Variants in CSF2RA observed in about 807,000 individuals in gnomAD.
CSF2RA encodes granulocyte-macrophage colony-stimulating factor receptor subunit alpha.
Under a neutral mutation model 51.6 loss-of-function variants are expected in CSF2RA, and 42 were observed. The ratio of observed to expected loss-of-function variants is 0.81; its 90% CI spans 0.64 to 1.05. The LOEUF (loss-of-function observed/expected upper bound fraction) is 1.05, where lower values mean the gene tolerates loss of function less well. Among genes scored for constraint, CSF2RA ranks in the 50% least tolerant of loss-of-function variants. The pLI is 0.00. For synonymous variants in CSF2RA, 222 were observed against 193.0 expected (o/e 1.15, Z -1.24); for missense variants, 530 against 501.1 (o/e 1.06, Z -0.55).
In CSF2RA at chrX:1,294,407, C is replaced by T; in HGVS notation, c.726C>T (p.Thr242=). 1 of 1,613,944 alleles carries T rather than the reference C, an allele frequency of 6.2e-7. No homozygotes were observed. Among genetic ancestry groups the T allele is most frequent in the Non-Finnish European group, 8.5e-7 (1 of 1,179,864 alleles). ...TCGTACGGTGGAAACAGCCCAGGAC[C>T]TATCAGAAGCTGTCGTACCTGGACT... is the stretch of plus-strand genomic sequence containing the variant. ...HCLVRWKQPR[T]YQKLSYLDFQ... is the part of the protein sequence containing the mutation. The change falls in exon 8 of 13, where the codon ACC becomes ACT. Residue 242 remains threonine (T), a synonymous_variant. Transcript: ENST00000381529.
chrX:1,324,949 C>T, the CSF2RA span, among the ~76,000 whole-genome samples: 2 of 152,032 alleles, frequency 1.3e-5, no homozygotes, highest in Admixed American at 6.6e-5. Context: ...TGGGTTTCTC[C>T]GCCTCCTCCC....
rs1406811623 is a variant in CSF2RA, at chrX:1,280,500, GAA to G, written c.-26-2175_-26-2174del. On this transcript the variant is annotated intron_variant, in intron 2 of 12. Coordinates refer to ENST00000381529, the MANE Select transcript of CSF2RA (RefSeq NM_172245.4). ...AAAAAAAAAAAAAAAAGAAGAAGAA[GAA>G]AAGAAATACATTAGTTTGGTCCATA... 5.3e-5 allele frequency among the ~76,000 whole-genome samples: 8 copies of G among 150,000 alleles called. No individual in the cohort carries two copies. The Admixed American group carries it at 5.3e-4, about 10-fold the overall frequency.
At chrX:1,318,880 G>A in the CSF2RA span, among the ~76,000 whole-genome samples, 10 of 146,166 alleles carry the variant, frequency 6.8e-5, no homozygotes, top group South Asian at 1.3e-3. Context: ...TCGTGCCACT[G>A]CACTCCAGCC....
chrX:1,289,405 A>C (rs2091114703), intron 6 of CSF2RA, among the ~76,000 whole-genome samples: 1 of 152,188 alleles, frequency 6.6e-6, no homozygotes, highest in Admixed American at 6.6e-5. Flanking sequence ...CTGGGATTAC[A>C]GGCGTGAGCC....
At chrX:1,280,591 A>G (rs181666964) in intron 2 of CSF2RA, among the ~76,000 whole-genome samples, 5 of 152,002 alleles carry the variant, frequency 3.3e-5, no homozygotes, top group Admixed American at 2.0e-4. Context: ...TTTCTGGTTG[A>G]CAATTGGTTG....
rs754747925 is a variant in CSF2RA at position 1,288,739 on chromosome X, T to C, written c.344-20T>C. On this transcript the variant is annotated intron_variant, in intron 5 of 12. Transcript: ENST00000381529. ...GTTGAACTTCGGAGTGAAAATTATT[T>C]TGTTTCTACCTCTTCCCAGGAAGGG... 7 of 1,613,760 alleles carry C rather than the reference T, an allele frequency of 4.3e-6. No homozygotes were observed. Among genetic ancestry groups the C allele is most frequent in the Non-Finnish European group, 5.1e-6 (6 of 1,179,860 alleles).
At chrX:1,305,021 T>C (rs1428047576) in intron 11 of CSF2RA, among the ~76,000 whole-genome samples, 4 of 141,510 alleles carry the variant, frequency 2.8e-5, no homozygotes, top group African/African-American at 1.1e-4. Flanking sequence ...TGAGATGGAG[T>C]CTCACTCTGT....
chrX:1,315,102 G>A (rs1371806772), downstream of CSF2RA, among the ~76,000 whole-genome samples: 2 of 151,906 alleles, frequency 1.3e-5, no homozygotes, highest in African/African-American at 4.8e-5. Flanking sequence ...TAAGATGCAT[G>A]CAGGTGGGAG....
intron 3 of CSF2RA, among the ~76,000 whole-genome samples, chrX:1,284,626 C>T (rs111857861): frequency 1.2e-4 from 11 of 92,236 alleles, no homozygotes; most frequent in South Asian, 3.4e-4. Flanking sequence ...ATTTTATAGA[C>T]GAGATCTTGC....
At chrX:1,316,653 G>A in the CSF2RA span, among the ~76,000 whole-genome samples, 7 of 152,192 alleles carry the variant, frequency 4.6e-5, no homozygotes, top group Admixed American at 2.0e-4. Flanking sequence ...CCATCCACGC[G>A]GGAGGGAACA....
chrX:1,314,982 TCGCACTGCACCTGCCCAAC>T (rs1569515183), downstream of CSF2RA, among the ~76,000 whole-genome samples: 3 of 37,606 alleles, frequency 8.0e-5, 1 homozygote, highest in Admixed American at 4.5e-4. Flanking sequence ...GCCTGCCCAA[TCGCACTGCACCTGCCCAAC>T]CCCACTGCAC....
the CSF2RA span, among the ~76,000 whole-genome samples, chrX:1,323,849 A>C: frequency 9.8e-4 from 149 of 151,456 alleles, 3 homozygotes; most frequent in South Asian, 0.019. Flanking sequence ...CCCGTCTCTA[A>C]TAAAAATACA....
chrX:1,288,432 A>T lies in CSF2RA; in HGVS notation c.220-87A>T. ...GGAAGGCGGAGGTTGTAGTGAGCCG[A>T]GATCACGCCACTGCACTCCAGCCTG... On this transcript the variant is annotated intron_variant, in intron 4 of 12. Coordinates refer to ENST00000381529, the MANE Select transcript of CSF2RA (RefSeq NM_172245.4). 11 of 1,509,642 alleles carry T rather than the reference A, an allele frequency of 7.3e-6. No individual in the cohort carries two copies. The South Asian group carries it at 9.0e-5, about 12-fold the overall frequency. 93.5% of individuals were successfully genotyped at this position (1,509,642 alleles called of 1,614,324 possible).
chrX:1,317,242 T>C, the CSF2RA span, among the ~76,000 whole-genome samples: 588 of 72,186 alleles, frequency 8.1e-3, no homozygotes, highest in Middle Eastern at 0.075. Context: ...GCCACCACGC[T>C]CAGCTTTTTT....
Position 1,305,513 on chromosome X carries a change from G to C in CSF2RA, c.1111G>C (p.Glu371Gln), listed in dbSNP as rs765357225. 2.4e-5 allele frequency: 38 copies of C among 1,613,840 alleles called. No individual in the cohort carries two copies. The highest frequency in any genetic ancestry group is 3.3e-4 in the Middle Eastern group (2 of 6,078). ...CAAAGACAAACTGAATGATAACCATGAGGTGGAAGACGAGGTAGGCAGGGG... is the reference window on the plus strand; with the variant it reads ...CAAAGACAAACTGAATGATAACCATCAGGTGGAAGACGAGGTAGGCAGGGG... ...QIKDKLNDNHEVEDEIIWEEF... is the reference protein window; with the variant it reads ...QIKDKLNDNHQVEDEIIWEEF... The change falls in exon 12 of 13, where the codon GAG becomes CAG. Residue 371 changes from glutamate (E) to glutamine (Q), a missense_variant. By Grantham distance (29) the Glu-to-Gln change is conservative (BLOSUM62 2). Coordinates refer to ENST00000381529, the MANE Select transcript of CSF2RA (RefSeq NM_172245.4).
intron 1 of CSF2RA, among the ~76,000 whole-genome samples, chrX:1,271,410 G>A (rs34449201): frequency 0.38 from 15,585 of 41,262 alleles, 4,035 homozygotes; most frequent in Middle Eastern, 0.55. Flanking sequence ...TGCAATCTCC[G>A]CTCACTGCAA....
intron 7 of CSF2RA, chrX:1,293,820 A>T (rs774744016): frequency 7.0e-6 from 3 of 430,644 alleles, no homozygotes; most frequent in African/African-American, 6.1e-5. Context: ...TGTAGACAGG[A>T]GAAGACTCTG....
At chrX:1,288,310 T>C (rs1467243969) in intron 4 of CSF2RA, among the ~76,000 whole-genome samples, 2 of 140,568 alleles carry the variant, frequency 1.4e-5, no homozygotes, top group South Asian at 2.4e-4. Flanking sequence ...GGTGAAACCC[T>C]GTCTCTACTA....
At chrX:1,311,453 AAG>A (rs2084181476), downstream of CSF2RA, among the ~76,000 whole-genome samples, 1 of 148,674 alleles carries the variant, frequency 6.7e-6, no homozygotes, top group African/African-American at 2.5e-5. Context: ...TTTTTTTTTT[AAG>A]TTGGAGTCTT....
Sources: gnomAD v4.1 joint callset for allele counts (sites outside exome capture counted in the v4.1 genomes callset) on GRCh38, gnomAD v4.1.1 for gene constraint, MANE v1.5 for transcripts, NCBI Gene and HGNC (gene_info 2026-07-23, HGNC 2026-07-21) for gene names.